Variants in WDFY3 observed in about 807,000 individuals in gnomAD.
WDFY3 encodes WD repeat and FYVE domain containing 3.
In WDFY3, 66 loss-of-function variants were observed where a neutral mutation model predicts 409.6. The observed-to-expected ratio is 0.16, with a 90% CI of 0.13 to 0.20. The LOEUF (loss-of-function observed/expected upper bound fraction) is 0.20, where lower values mean the gene tolerates loss of function less well. Among genes scored for constraint, WDFY3 ranks in the 10% least tolerant of loss-of-function variants. The probability of loss-of-function intolerance (pLI) is 1.00; values close to 1 mark genes in which losing one functional copy is unlikely to be tolerated. For synonymous variants in WDFY3, 1,521 were observed against 1,537.1 expected (o/e 0.99, Z 0.25); for missense variants, 3,031 against 4,298.1 (o/e 0.71, Z 8.24).
intron 35 of WDFY3, among the ~76,000 whole-genome samples, chr4:84,752,972 C>T (rs970011219): frequency 3.3e-5 from 5 of 152,096 alleles, no homozygotes; most frequent in African/African-American, 1.2e-4. Context: ...TGAAAAGTCA[C>T]CAATATTTAT....
chr4:84,711,850 CA>C lies in WDFY3; in HGVS notation c.8042+1308del, dbSNP rs571281125. Among the ~76,000 whole-genome samples the C allele has an allele frequency of 5.3e-3, 687 of 129,684 alleles. 5 individuals carry two copies. The highest frequency in any genetic ancestry group is 0.017 in the African/African-American group (587 of 35,078). The allele number at this position is 129,684 out of a possible 152,430, so 85.1% of individuals were successfully genotyped here. On this transcript the variant is annotated intron_variant, in intron 51 of 67. Coordinates refer to ENST00000295888, the MANE Select transcript of WDFY3 (RefSeq NM_014991.6). Reference sequence around the variant, plus strand: ...TGGGCAACAGAGCAAGACTCCGTCTCAAAAAAAAAAAATAATAATAATATAC... The same window carrying C: ...TGGGCAACAGAGCAAGACTCCGTCTCAAAAAAAAAAATAATAATAATATAC...
chr4:84,954,781 AGCT>A (rs1348827697), intron 1 of WDFY3, among the ~76,000 whole-genome samples: 1 of 152,250 alleles, frequency 6.6e-6, no homozygotes, highest in Non-Finnish European at 1.5e-5. Flanking sequence ...AATGTTTTAT[AGCT>A]GCTTATTTAG....
chr4:84,949,091 C>G (rs1479619787), intron 1 of WDFY3, among the ~76,000 whole-genome samples: 1 of 152,116 alleles, frequency 6.6e-6, no homozygotes, highest in Non-Finnish European at 1.5e-5. Context: ...TAACATGCAG[C>G]ACTATACCTT....
chr4:84,918,850 C>T (rs540678849), intron 2 of WDFY3, among the ~76,000 whole-genome samples: 23 of 149,662 alleles, frequency 1.5e-4, no homozygotes, highest in Admixed American at 6.0e-4. Flanking sequence ...CACACACACA[C>T]ATATATATAT....
intron 46 of WDFY3, among the ~76,000 whole-genome samples, chr4:84,724,120 G>A (rs1735269365): frequency 6.6e-6 from 1 of 152,030 alleles, no homozygotes; most frequent in Non-Finnish European, 1.5e-5. Context: ...CTGATGCTGT[G>A]TCATGAAAAA....
intron 24 of WDFY3, among the ~76,000 whole-genome samples, chr4:84,785,203 C>A (rs1296200957): frequency 6.6e-6 from 1 of 151,992 alleles, no homozygotes; most frequent in Admixed American, 6.6e-5. Flanking sequence ...AACCTAAGAC[C>A]CATCGTCACT....
At position 84,733,517 on chromosome 4, in the gene WDFY3, G is replaced by A. The variant is rs774766495; in HGVS notation, c.7086C>T (p.Ile2362=). Reference sequence around the variant, plus strand: ...GCATCCACTTGTCGAGGTGGGAGCCGATGGGAGGGCCCCACAGCCCCCGCT... The same window carrying A: ...GCATCCACTTGTCGAGGTGGGAGCCAATGGGAGGGCCCCACAGCCCCCGCT... ...LRERGLWGPP[I]GSHLDKWMLE... The change falls in exon 44 of 68, where the codon ATC becomes ATT. Residue 2362 remains isoleucine (I), a synonymous_variant. Transcript: ENST00000295888. The A allele has an allele frequency of 4.3e-6, 7 of 1,613,966 alleles. No individual in the cohort carries two copies. Among genetic ancestry groups the A allele is most frequent in the South Asian group, 2.2e-5 (2 of 91,078 alleles).
chr4:84,758,835 T>C (rs1741937426), intron 32 of WDFY3, among the ~76,000 whole-genome samples: 1 of 152,238 alleles, frequency 6.6e-6, no homozygotes, highest in Non-Finnish European at 1.5e-5. Flanking sequence ...GAAAACATGA[T>C]TTGTTCAAAG....
At chr4:84,818,057 A>G (rs529803870) in intron 12 of WDFY3, among the ~76,000 whole-genome samples, 32 of 152,340 alleles carry the variant, frequency 2.1e-4, no homozygotes, top group African/African-American at 7.0e-4. Context: ...CAGGTAGAGC[A>G]TAAGAACAAA....
chr4:84,739,148 A>G (rs1487486124), intron 39 of WDFY3, 29 bp from the exon 40 acceptor site: 1 of 1,603,216 alleles, frequency 6.2e-7, no homozygotes, highest in South Asian at 1.1e-5. Context: ...TTTAAACTTT[A>G]TGAAGGAAAT....
At chr4:84,952,437 T>C (rs1773723336) in intron 1 of WDFY3, among the ~76,000 whole-genome samples, 2 of 152,182 alleles carry the variant, frequency 1.3e-5, no homozygotes, top group South Asian at 4.1e-4. Context: ...ATGCTTCAGG[T>C]TTGACCAGGT....
chr4:84,949,842 A>G (rs747570335), intron 1 of WDFY3, among the ~76,000 whole-genome samples: 2 of 152,194 alleles, frequency 1.3e-5, no homozygotes, highest in East Asian at 3.9e-4. Context: ...GGCCCCTTAT[A>G]AGCCAACAGA....
intron 51 of WDFY3, among the ~76,000 whole-genome samples, chr4:84,712,890 C>G (rs1560578329): frequency 6.6e-6 from 1 of 152,076 alleles, no homozygotes; most frequent in Non-Finnish European, 1.5e-5. Flanking sequence ...AGAATAAAAA[C>G]TTGTATTTAG....
rs968587787 is a variant in WDFY3 at position 84,670,066 on chromosome 4, C to A, written c.*2802G>T. The A allele has an allele frequency of 2.6e-5, 4 of 152,596 alleles. No homozygotes were observed. The highest frequency in any genetic ancestry group is 7.2e-5 in the African/African-American group (3 of 41,452). The allele number at this position is 152,596 out of a possible 1,614,324, so 9.5% of individuals were successfully genotyped here. A position where few individuals can be genotyped will look rare whatever the true frequency, so the allele number is the denominator to read the frequency against. ...AAAATAAGTTTCTACCAACTTTATA[C>A]ATAAGAAAGTGCAAAATAACTTATC... On this transcript the variant is annotated 3_prime_UTR_variant, in exon 68 of 68. Transcript: ENST00000295888.
intron 3 of WDFY3, among the ~76,000 whole-genome samples, chr4:84,893,261 G>A (rs187472186): frequency 3.3e-5 from 5 of 152,146 alleles, no homozygotes; most frequent in East Asian, 1.9e-4. Flanking sequence ...CTGCAGCTTC[G>A]CCCTGCCTGA....
chr4:84,940,002 G>T (rs1348895987), intron 1 of WDFY3, among the ~76,000 whole-genome samples: 1 of 151,936 alleles, frequency 6.6e-6, no homozygotes, highest in Non-Finnish European at 1.5e-5. Context: ...CATATATATT[G>T]GCTTAAAACA....
chr4:84,697,786 T>C (rs1247512410), intron 56 of WDFY3, among the ~76,000 whole-genome samples: 1 of 152,246 alleles, frequency 6.6e-6, no homozygotes, highest in African/African-American at 2.4e-5. Context: ...ATACTTGTTC[T>C]GGAAATTTTC....
intron 3 of WDFY3, among the ~76,000 whole-genome samples, chr4:84,878,171 T>C (rs1434448355): frequency 5.9e-5 from 9 of 152,200 alleles, no homozygotes; most frequent in Non-Finnish European, 1.5e-5. Context: ...AAAAAATTAC[T>C]AACAGAGAGT....
intron 67 of WDFY3, among the ~76,000 whole-genome samples, chr4:84,673,746 G>A (rs1041404767): frequency 6.6e-6 from 1 of 151,840 alleles, no homozygotes; most frequent in East Asian, 1.9e-4. Context: ...ATCACTTTAG[G>A]CTTGGATTTT....
Sources: allele counts gnomAD v4.1 joint callset (sites outside exome capture counted in the v4.1 genomes callset), GRCh38; gene constraint gnomAD v4.1.1; transcripts MANE v1.5; gene names NCBI Gene and HGNC (gene_info 2026-07-23, HGNC 2026-07-21).